C8orf89: variants seen among roughly 807,000 people sequenced by gnomAD.
C8orf89 encodes chromosome 8 open reading frame 89.
In C8orf89, 14 loss-of-function variants were observed where a neutral mutation model predicts 15.8. That is an observed-to-expected ratio of 0.89 (90% confidence interval 0.59 to 1.39). The LOEUF (loss-of-function observed/expected upper bound fraction) is 1.39. C8orf89 is among the 40% of genes most tolerant of loss of function. The pLI is 0.00. For missense variants in C8orf89, 181 were observed against 184.5 expected, an observed-to-expected ratio of 0.98 and a Z score of 0.11; for synonymous variants, 55 against 62.2, an observed-to-expected ratio of 0.88 and a Z score of 0.54.
chr8:73,251,134 G>A (rs2925445), intron 2 of C8orf89, among the ~76,000 whole-genome samples: 51,763 of 151,886 alleles, frequency 0.34, 12,152 homozygotes, highest in African/African-American at 0.68. Flanking sequence ...AGTCAGCAGT[G>A]ACTTTTAAGT....
the C8orf89 span, among the ~76,000 whole-genome samples, chr8:73,269,799 G>T: frequency 6.6e-6 from 1 of 152,178 alleles, no homozygotes; most frequent in Non-Finnish European, 1.5e-5. Flanking sequence ...AAAAGCTGTA[G>T]CTTTCACTGT....
intron 3 of C8orf89, among the ~76,000 whole-genome samples, chr8:73,247,836 A>T (rs1017631254): frequency 6.6e-5 from 10 of 152,166 alleles, no homozygotes; most frequent in Admixed American, 4.6e-4. Context: ...GATGCTGGAT[A>T]TTAGACCTTT....
At chr8:73,281,433 T>C in the C8orf89 span, among the ~76,000 whole-genome samples, 1 of 152,276 alleles carries the variant, frequency 6.6e-6, no homozygotes. Context: ...GAGTTATAGA[T>C]TCATTGAGAA....
At chr8:73,248,884 A>G (rs1813186070) in intron 3 of C8orf89, among the ~76,000 whole-genome samples, 1 of 152,202 alleles carries the variant, frequency 6.6e-6, no homozygotes, top group Non-Finnish European at 1.5e-5. Flanking sequence ...TGTCATCTAC[A>G]AACAGTGATA....
chr8:73,277,320 A>G, the C8orf89 span: 1 of 664,074 alleles, frequency 1.5e-6, no homozygotes, highest in South Asian at 2.1e-5. Flanking sequence ...ACGCAGATGA[A>G]TGCCCCTGGT....
At chr8:73,260,684 G>C (rs887192622), upstream of C8orf89, among the ~76,000 whole-genome samples, 3 of 152,216 alleles carry the variant, frequency 2.0e-5, no homozygotes, top group African/African-American at 7.2e-5. Flanking sequence ...AGCCAGCAAA[G>C]CAAGGATGTG....
chr8:73,262,092 AAACT>A (rs1338103923), upstream of C8orf89, among the ~76,000 whole-genome samples: 3 of 152,260 alleles, frequency 2.0e-5, no homozygotes, highest in Admixed American at 6.5e-5. Context: ...AATGGCAACA[AAACT>A]AACTAAAATA....
At chr8:73,245,215 G>A (rs946028931) in intron 3 of C8orf89, among the ~76,000 whole-genome samples, 1 of 152,130 alleles carries the variant, frequency 6.6e-6, no homozygotes, top group Admixed American at 6.6e-5. Context: ...CAACACATGG[G>A]AACTATGGGA....
chr8:73,254,101 C>T (rs1487174702), intron 2 of C8orf89, among the ~76,000 whole-genome samples: 3 of 152,218 alleles, frequency 2.0e-5, no homozygotes, highest in East Asian at 1.9e-4. Context: ...TTTTGAGATA[C>T]GTCCCATCAA....
At chr8:73,244,699 G>A (rs1813085174) in intron 3 of C8orf89, among the ~76,000 whole-genome samples, 1 of 152,064 alleles carries the variant, frequency 6.6e-6, no homozygotes, top group South Asian at 2.1e-4. Context: ...AAACAGGTGA[G>A]AGTTAAGAAT....
the C8orf89 span, among the ~76,000 whole-genome samples, chr8:73,284,011 C>T: frequency 6.6e-6 from 1 of 150,474 alleles, no homozygotes. Context: ...CATGGCACTC[C>T]AGCCTGGGCA....
At chr8:73,246,309 T>C (rs1373116968) in intron 3 of C8orf89, among the ~76,000 whole-genome samples, 1 of 152,194 alleles carries the variant, frequency 6.6e-6, no homozygotes, top group Non-Finnish European at 1.5e-5. Flanking sequence ...GTCATAATGT[T>C]AGAAAAGAGG....
At chr8:73,273,445 G>A in the C8orf89 span, among the ~76,000 whole-genome samples, 3 of 152,250 alleles carry the variant, frequency 2.0e-5, no homozygotes, top group Non-Finnish European at 4.4e-5. Context: ...GCTCAGGGAG[G>A]CACTAACATG....
chr8:73,264,861 T>A, the C8orf89 span, among the ~76,000 whole-genome samples: 3 of 152,062 alleles, frequency 2.0e-5, no homozygotes, highest in Non-Finnish European at 2.9e-5. Flanking sequence ...TATCTAAAAG[T>A]GAAGAGCACT....
intron 3 of C8orf89, among the ~76,000 whole-genome samples, chr8:73,248,294 T>C (rs192755106): frequency 2.0e-5 from 3 of 152,298 alleles, no homozygotes; most frequent in Non-Finnish European, 4.4e-5. Flanking sequence ...GTTCCATTGA[T>C]CTATGTGTCT....
rs1165133390 is a variant in C8orf89 at position 73,247,192 on chromosome 8, C to CCACCCTCCA, written c.337+3067_337+3075dup. ...ATTTTTCCTGATCCTTTCCCACCTC[C>CCACCCTCCA]CACCCTCCACACCCTCCTGCATTAG... On this transcript the variant is annotated intron_variant, in intron 3 of 3. Coordinates refer to ENST00000624510, the MANE Select transcript of C8orf89 (RefSeq NM_001243237.3). 3.3e-5 allele frequency among the ~76,000 whole-genome samples: 5 copies of CCACCCTCCA among 152,202 alleles called. No individual in the cohort carries two copies. The South Asian group carries it at 1.0e-3, about 32-fold the overall frequency.
At chr8:73,255,570 A>T (rs1340041006) in intron 2 of C8orf89, among the ~76,000 whole-genome samples, 1 of 151,686 alleles carries the variant, frequency 6.6e-6, no homozygotes, top group Admixed American at 6.6e-5. Flanking sequence ...AGGGATCTAG[A>T]ACTAGAAATA....
the C8orf89 span, among the ~76,000 whole-genome samples, chr8:73,283,235 G>A: frequency 1.3e-5 from 2 of 152,204 alleles, no homozygotes; most frequent in Admixed American, 6.5e-5. Flanking sequence ...ATTGGACCAT[G>A]TCCAATTGTG....
upstream of C8orf89, among the ~76,000 whole-genome samples, chr8:73,259,754 A>C (rs1022669629): frequency 6.6e-6 from 1 of 152,186 alleles, no homozygotes; most frequent in Non-Finnish European, 1.5e-5. Context: ...AAAAAAGACA[A>C]ATTTTATGCT....
Sources: allele counts gnomAD v4.1 joint callset (sites outside exome capture counted in the v4.1 genomes callset), GRCh38; gene constraint gnomAD v4.1.1; transcripts MANE v1.5; gene names NCBI Gene and HGNC (gene_info 2026-07-23, HGNC 2026-07-21).